Variants in SPAG17 observed in about 807,000 individuals in gnomAD.
SPAG17 encodes sperm-associated antigen 17.
Under a neutral mutation model 273.6 loss-of-function variants are expected in SPAG17, and 169 were observed. That is an observed-to-expected ratio of 0.62 (90% CI 0.55 to 0.70). SPAG17 has a LOEUF of 0.70. SPAG17 is among the 30% of genes least tolerant of loss of function. The probability of loss-of-function intolerance (pLI) is 0.00; values close to 1 mark genes in which losing one functional copy is unlikely to be tolerated. For synonymous variants in SPAG17, 825 were observed against 873.2 expected, an observed-to-expected ratio of 0.94 and a Z score of 0.97; for missense variants, 2,557 against 2,627.8, an observed-to-expected ratio of 0.97 and a Z score of 0.59.
At position 118,106,273 on chromosome 1, in the gene SPAG17, G is replaced by A. The variant is rs577136680; in HGVS notation, c.448-4347C>T. On this transcript the variant is annotated intron_variant, in intron 4 of 48. Transcript: ENST00000336338. ...TTCTATTTATTACATTCTTACTATA[G>A]TCCAAATATTCTATCTCGTCAAGTC... 1.1e-4 allele frequency among the ~76,000 whole-genome samples: 16 copies of A among 152,062 alleles called. No homozygotes were observed. The East Asian group carries it at 2.9e-3, about 28-fold the overall frequency.
chr1:118,150,863 A>T (rs566906514), intron 2 of SPAG17, among the ~76,000 whole-genome samples: 86 of 152,308 alleles, frequency 5.6e-4, no homozygotes, highest in African/African-American at 2.0e-3. Flanking sequence ...GACCTCTGAC[A>T]GCTATGATTC....
At position 117,966,702 on chromosome 1, in the gene SPAG17, C is replaced by T. The variant is rs373361862; in HGVS notation, c.6439G>A (p.Val2147Ile). ...GATCCCTTGGCCCCATCCTCTCCAA[C>T]AGCTGTGGCAAATAACTCTATATTC... ...ELNIELFATA[V>I]GEDGAKGSAH... The change falls in exon 47 of 49, where the codon GTT becomes ATT. Residue 2147 changes from valine to isoleucine, a missense_variant. Coordinates refer to ENST00000336338, the MANE Select transcript of SPAG17 (RefSeq NM_206996.4). The T allele has an allele frequency of 2.5e-6, 4 of 1,613,972 alleles. No individual in the cohort carries two copies. In the African/African-American group the frequency reaches 5.3e-5, roughly 22 times the overall value.
chr1:118,159,675 G>C (rs1483231941), intron 1 of SPAG17, among the ~76,000 whole-genome samples: 4 of 152,148 alleles, frequency 2.6e-5, no homozygotes, highest in Non-Finnish European at 5.9e-5. Flanking sequence ...TGTAGCCTCT[G>C]GCTTAGGCTG....
chr1:118,123,088 G>GA (rs1657515482), intron 3 of SPAG17, among the ~76,000 whole-genome samples: 1 of 152,136 alleles, frequency 6.6e-6, no homozygotes, highest in South Asian at 2.1e-4. Flanking sequence ...GGATGTAGAG[G>GA]AAAAAATATG....
At chr1:118,154,744 T>C (rs1659564418) in intron 1 of SPAG17, among the ~76,000 whole-genome samples, 1 of 152,040 alleles carries the variant, frequency 6.6e-6, no homozygotes, top group South Asian at 2.1e-4. Flanking sequence ...AAAAGAAATT[T>C]AGTATGGAGA....
intron 15 of SPAG17, among the ~76,000 whole-genome samples, chr1:118,078,169 C>T (rs886866474): frequency 2.0e-5 from 3 of 152,126 alleles, no homozygotes; most frequent in African/African-American, 7.2e-5. Flanking sequence ...TTGATTACTT[C>T]CTTTTCGACC....
intron 16 of SPAG17, among the ~76,000 whole-genome samples, chr1:118,074,227 T>A (rs1571414444): frequency 6.6e-6 from 1 of 152,206 alleles, no homozygotes; most frequent in Non-Finnish European, 1.5e-5. Context: ...TACAGGCAGG[T>A]TTTCTGAACT....
chr1:118,123,602 T>C (rs1657541034), intron 3 of SPAG17, among the ~76,000 whole-genome samples: 1 of 152,208 alleles, frequency 6.6e-6, no homozygotes, highest in Non-Finnish European at 1.5e-5. Flanking sequence ...TAAATATCTG[T>C]AGCAGGTGAC....
chr1:118,148,190 G>A (rs972456309), intron 3 of SPAG17, among the ~76,000 whole-genome samples: 1 of 152,136 alleles, frequency 6.6e-6, no homozygotes, highest in African/African-American at 2.4e-5. Context: ...CGCTCCTCAG[G>A]AGTTTACCAC....
At chr1:118,139,174 A>G (rs1658526783) in intron 3 of SPAG17, among the ~76,000 whole-genome samples, 1 of 152,226 alleles carries the variant, frequency 6.6e-6, no homozygotes, top group Admixed American at 6.5e-5. Flanking sequence ...ACATTTCTCA[A>G]AAGAAGACAT....
At chr1:118,015,852 AC>A in intron 29 of SPAG17, 112 bp downstream of exon 29, 1 of 905,062 alleles carries the variant, frequency 1.1e-6, no homozygotes, top group Non-Finnish European at 1.7e-6. Context: ...CCATCCATCC[AC>A]TACTTAACAG....
At chr1:118,073,786 G>T in intron 17 of SPAG17, 68 bp downstream of exon 17, 1 of 1,033,930 alleles carries the variant, frequency 9.7e-7, no homozygotes, top group Non-Finnish European at 1.4e-6. Context: ...GAGGTGAACT[G>T]TTCTAAATCA....
intron 3 of SPAG17, among the ~76,000 whole-genome samples, chr1:118,128,514 C>T (rs954392966): frequency 5.3e-5 from 8 of 152,160 alleles, no homozygotes; most frequent in Non-Finnish European, 8.8e-5. Flanking sequence ...TTCCCTGCTT[C>T]GTAGAAATGA....
chr1:117,958,327 T>G (rs1652519848), intron 48 of SPAG17, among the ~76,000 whole-genome samples: 1 of 152,214 alleles, frequency 6.6e-6, no homozygotes, highest in African/African-American at 2.4e-5. Flanking sequence ...AAGTTCATAT[T>G]TAACCATGTT....
chr1:118,052,037 A>G (rs910166671), intron 20 of SPAG17, among the ~76,000 whole-genome samples: 1 of 140,064 alleles, frequency 7.1e-6, no homozygotes, highest in Admixed American at 7.3e-5. Flanking sequence ...ATTATATAAT[A>G]GTATATATAG....
intron 20 of SPAG17, among the ~76,000 whole-genome samples, chr1:118,042,645 C>A (rs1649898533): frequency 6.6e-6 from 1 of 152,114 alleles, no homozygotes; most frequent in Non-Finnish European, 1.5e-5. Context: ...GAACATAAGG[C>A]TGATTCACAC....
Position 117,983,843 on chromosome 1 carries a change from G to A in SPAG17, c.5840C>T (p.Thr1947Ile). Reference sequence around the variant, plus strand: ...AAGATCAGATGTATCTTGAACAGCTGTTTCGTTTGCATCTTCATTTTTCTT... The same window carrying A: ...AAGATCAGATGTATCTTGAACAGCTATTTCGTTTGCATCTTCATTTTTCTT... ...FTKKNEDANE[T>I]AVQDTSDLNL... Residue 1947 changes from threonine to isoleucine, a missense_variant, in exon 42 of 49, where the codon ACA (threonine) becomes ATA (isoleucine). By Grantham distance (89) the Thr-to-Ile change is moderately conservative (BLOSUM62 -1). Transcript: ENST00000336338. 6.2e-7 allele frequency: 1 copy of A among 1,612,448 alleles called. No homozygotes were observed. Among genetic ancestry groups the A allele is most frequent in the South Asian group, 1.1e-5 (1 of 90,998 alleles).
chr1:118,003,950 G>C (rs981817759), intron 32 of SPAG17, among the ~76,000 whole-genome samples: 1 of 152,164 alleles, frequency 6.6e-6, no homozygotes, highest in Non-Finnish European at 1.5e-5. Context: ...CTTTGTCGTT[G>C]TATCTACCTT....
chr1:117,975,296 G>A (rs2101544801), intron 43 of SPAG17, among the ~76,000 whole-genome samples: 1 of 152,236 alleles, frequency 6.6e-6, no homozygotes, highest in South Asian at 2.1e-4. Context: ...AATGCCCCTG[G>A]GCTAGCACCA....
Sources: gnomAD v4.1 joint callset for allele counts (sites outside exome capture counted in the v4.1 genomes callset) on GRCh38, gnomAD v4.1.1 for gene constraint, MANE v1.5 for transcripts, NCBI Gene and HGNC (gene_info 2026-07-23, HGNC 2026-07-21) for gene names.